The following HIVEP3 variants were observed in gnomAD, a reference collection of about 807,000 sequenced individuals.
HIVEP3 encodes transcription factor HIVEP3.
In HIVEP3, 49 loss-of-function variants were observed where a neutral mutation model predicts 152.8. The ratio of observed to expected loss-of-function variants is 0.32; its 90% confidence interval spans 0.26 to 0.41. The LOEUF (loss-of-function observed/expected upper bound fraction) is 0.41, where lower values mean the gene tolerates loss of function less well. Ranked by LOEUF, HIVEP3 falls within the 10% of genes least tolerant of loss-of-function variation. HIVEP3 has a pLI of 1.00. For missense variants in HIVEP3, 2,790 were observed against 3,103.3 expected (o/e 0.90, Z 2.40); for synonymous variants, 1,269 against 1,289.0 (o/e 0.98, Z 0.33).
chr1:41,541,212 G>T (rs1643523438), intron 5 of HIVEP3, among the ~76,000 whole-genome samples: 1 of 152,184 alleles, frequency 6.6e-6, no homozygotes, highest in Non-Finnish European at 1.5e-5. Context: ...TATGGCTGTG[G>T]CTGTGGGATG....
intron 1 of HIVEP3, among the ~76,000 whole-genome samples, chr1:41,808,772 T>C (rs1239779705): frequency 6.6e-6 from 1 of 152,202 alleles, no homozygotes; most frequent in Admixed American, 6.5e-5. Context: ...GTGACATCCA[T>C]TACTTAAAAT....
chr1:41,781,308 A>G (rs1649028684), intron 1 of HIVEP3, among the ~76,000 whole-genome samples: 1 of 152,166 alleles, frequency 6.6e-6, no homozygotes, highest in Non-Finnish European at 1.5e-5. Flanking sequence ...GAAGCCTCAG[A>G]GTCACTCCCA....
chr1:41,637,386 T>C (rs1645291206), intron 2 of HIVEP3, among the ~76,000 whole-genome samples: 1 of 152,216 alleles, frequency 6.6e-6, no homozygotes, highest in Non-Finnish European at 1.5e-5. Flanking sequence ...GCTTTGTCTA[T>C]GTATCAAGCT....
At chr1:41,826,386 T>C (rs989965120) in intron 1 of HIVEP3, among the ~76,000 whole-genome samples, 6 of 152,210 alleles carry the variant, frequency 3.9e-5, no homozygotes, top group Non-Finnish European at 8.8e-5. Context: ...TGTGCTTGCA[T>C]GGGTGTGAGA....
At chr1:41,560,785 C>T (rs951408688) in intron 5 of HIVEP3, among the ~76,000 whole-genome samples, 6 of 152,200 alleles carry the variant, frequency 3.9e-5, no homozygotes, top group African/African-American at 1.4e-4. Context: ...GGCCAGAGCA[C>T]CCTCTGGAGA....
At chr1:41,676,345 C>G (rs1033850624) in intron 2 of HIVEP3, among the ~76,000 whole-genome samples, 2 of 152,100 alleles carry the variant, frequency 1.3e-5, no homozygotes, top group African/African-American at 2.4e-5. Context: ...CCACCGTGCC[C>G]GGCAACTAGG....
chr1:41,666,638 G>A (rs1645800561), intron 2 of HIVEP3, among the ~76,000 whole-genome samples: 1 of 152,078 alleles, frequency 6.6e-6, no homozygotes, highest in South Asian at 2.1e-4. Flanking sequence ...ATCTTCTCAA[G>A]CCCGAAGCCA....
At position 41,581,359 on chromosome 1, in the gene HIVEP3, A is replaced by G; in HGVS notation, c.3439T>C (p.Ser1147Pro). Residue 1147 changes from serine (S) to proline (P), a missense_variant, in exon 4 of 9, where the codon TCC becomes CCC. Around this residue, in one of 9 missense-constraint regions of HIVEP3, gnomAD observed 1,078 missense variants for 1,165.3 expected, o/e 0.93. Coordinates refer to ENST00000372583, the MANE Select transcript of HIVEP3 (RefSeq NM_024503.5). The surrounding 1 kb of genome is among the most constrained non-coding windows in gnomAD (Gnocchi z 4.5). ...TCATGCTGCACGAGATGCTGGAAGG[A>G]GAAAAGGGAGACTGGTGGGGGCAGG... Reference protein sequence around the residue: ...PYLPPPVSLFSFQHLVQHEPG... With the variant: ...PYLPPPVSLFPFQHLVQHEPG... 3 of 1,613,550 alleles carry G rather than the reference A, an allele frequency of 1.9e-6. No individual in the cohort carries two copies. The highest frequency in any genetic ancestry group is 2.7e-5 in the African/African-American group (2 of 74,974).
chr1:41,752,175 G>A (rs1647176632), intron 1 of HIVEP3, among the ~76,000 whole-genome samples: 1 of 152,172 alleles, frequency 6.6e-6, no homozygotes, highest in Non-Finnish European at 1.5e-5. Flanking sequence ...AGAATCCAAC[G>A]ATCAGAGGAA....
chr1:41,875,181 C>T (rs1644148372), intron 1 of HIVEP3, among the ~76,000 whole-genome samples: 1 of 152,254 alleles, frequency 6.6e-6, no homozygotes. Context: ...GGCTCCAGCA[C>T]CATCCCCTGT....
Position 41,753,397 on chromosome 1 carries a change from A to T in HIVEP3, c.-800-52402T>A, listed in dbSNP as rs565535823. On this transcript the variant is annotated intron_variant, in intron 1 of 8. Transcript: ENST00000372583. ...AGCAATGGGCCGGGCACGGTGGCTC[A>T]CGCCTGTAATCCCAGCACTTTGGAC... Among the ~76,000 whole-genome samples, 3 of 152,336 alleles carry T rather than the reference A, an allele frequency of 2.0e-5. No homozygotes were observed. In the East Asian group the frequency reaches 5.8e-4, roughly 29 times the overall value.
chr1:41,882,875 A>C (rs560116746), intron 1 of HIVEP3, among the ~76,000 whole-genome samples: 2 of 152,348 alleles, frequency 1.3e-5, no homozygotes, highest in East Asian at 3.9e-4. Flanking sequence ...GATTTCCTAT[A>C]CTGCCACTTT....
chr1:41,974,621 G>C (rs1057461894), intron 1 of HIVEP3, among the ~76,000 whole-genome samples: 2 of 151,728 alleles, frequency 1.3e-5, no homozygotes, highest in Admixed American at 1.3e-4. Flanking sequence ...CTCTCTGCTT[G>C]GAATACTCTT....
chr1:41,733,384 T>C (rs913590624), intron 1 of HIVEP3, among the ~76,000 whole-genome samples: 12 of 152,270 alleles, frequency 7.9e-5, no homozygotes, highest in African/African-American at 2.2e-4. Flanking sequence ...AGGATGTAGA[T>C]TTCACCCAAG....
chr1:41,611,902 A>G (rs1312950282), intron 3 of HIVEP3, among the ~76,000 whole-genome samples: 1 of 152,158 alleles, frequency 6.6e-6, no homozygotes, highest in Non-Finnish European at 1.5e-5. Context: ...GGCTCACCCC[A>G]GAGCACCTGA....
intron 1 of HIVEP3, among the ~76,000 whole-genome samples, chr1:41,734,269 C>A (rs905208072): frequency 6.6e-6 from 1 of 152,214 alleles, no homozygotes; most frequent in Non-Finnish European, 1.5e-5. Context: ...AGCTGTGTGG[C>A]CTTGGCCAGC....
intron 1 of HIVEP3, among the ~76,000 whole-genome samples, chr1:41,955,772 C>T (rs1288773885): frequency 1.3e-5 from 2 of 152,146 alleles, no homozygotes; most frequent in African/African-American, 4.8e-5. Flanking sequence ...AAGGGAAGCC[C>T]ATTGAGCAGA....
chr1:41,646,383 G>T (rs10749841), intron 2 of HIVEP3, among the ~76,000 whole-genome samples: 63,548 of 151,982 alleles, frequency 0.42, 13,675 homozygotes, highest in Non-Finnish European at 0.48. Flanking sequence ...TGAGTGCGGG[G>T]CACAACCAGT....
At position 41,583,053 on chromosome 1, in the gene HIVEP3, G is replaced by A. The variant is rs1279280308; in HGVS notation, c.1745C>T (p.Ser582Phe). 1 of 1,613,932 alleles carries A rather than the reference G, an allele frequency of 6.2e-7. No individual in the cohort carries two copies. The highest frequency in any genetic ancestry group is 8.5e-7 in the Non-Finnish European group (1 of 1,179,904). The change falls in exon 4 of 9, where the codon TCC (serine) becomes TTC (phenylalanine). Residue 582 changes from serine to phenylalanine, a missense_variant. Ser to Phe is a radical substitution (Grantham distance 155). Transcript: ENST00000372583. The surrounding 1 kb of genome is among the most constrained non-coding windows in gnomAD (Gnocchi z 6.9). The part of the protein sequence containing the change: ...ALSHSSHVFT[S>F]HPRMLKRQPA... ...CTGGCGCTTCAGCATCCGGGGGTGG[G>A]AGGTAAACACGTGACTGCTGTGGCT...
Sources: allele counts gnomAD v4.1 joint callset (sites outside exome capture counted in the v4.1 genomes callset), GRCh38; gene constraint gnomAD v4.1.1; regional missense constraint gnomAD v4.1.1; non-coding constraint Gnocchi (gnomAD v3.1); transcripts MANE v1.5; gene names NCBI Gene and HGNC (gene_info 2026-07-23, HGNC 2026-07-21).